Variants in KHDRBS3 observed in about 807,000 individuals in gnomAD.
KHDRBS3 encodes KH domain-containing, RNA-binding, signal transduction-associated protein 3.
KHDRBS3 carries 23 observed loss-of-function variants against 45.6 expected under a neutral mutation model. That is an observed-to-expected ratio of 0.50 (90% CI 0.36 to 0.72). KHDRBS3 has a LOEUF of 0.72. KHDRBS3 is among the 30% of genes least tolerant of loss of function. KHDRBS3 has a pLI of 0.00. For missense variants in KHDRBS3, 352 were observed against 424.8 expected, an observed-to-expected ratio of 0.83 and a Z score of 1.51; for synonymous variants, 162 against 156.5, an observed-to-expected ratio of 1.04 and a Z score of -0.26.
chr8:135,622,158 T>C (rs1459587033), intron 7 of KHDRBS3, among the ~76,000 whole-genome samples: 1 of 152,332 alleles, frequency 6.6e-6, no homozygotes, highest in East Asian at 1.9e-4. Flanking sequence ...ATGTCTGTCT[T>C]CTTTTTTCAA....
chr8:135,584,770 T>G (rs1828383217), intron 6 of KHDRBS3, among the ~76,000 whole-genome samples: 1 of 152,186 alleles, frequency 6.6e-6, no homozygotes, highest in South Asian at 2.1e-4. Context: ...TGACCCAGTT[T>G]TCTACTTCCA....
At chr8:135,652,705 G>C (rs1027175754) in intron 4 of KHDRBS3, among the ~76,000 whole-genome samples, 2 of 152,170 alleles carry the variant, frequency 1.3e-5, no homozygotes, top group Non-Finnish European at 2.9e-5. Context: ...TCACCCTGGA[G>C]GCCCTCCCTA....
intron 6 of KHDRBS3, among the ~76,000 whole-genome samples, chr8:135,599,997 C>T (rs1259367431): frequency 1.4e-5 from 2 of 142,980 alleles, no homozygotes; most frequent in African/African-American, 5.1e-5. Flanking sequence ...CAGGCACCTC[C>T]CTCACAGCAC....
intron 7 of KHDRBS3, among the ~76,000 whole-genome samples, chr8:135,631,510 A>G (rs1247600034): frequency 6.6e-6 from 1 of 152,010 alleles, no homozygotes; most frequent in Non-Finnish European, 1.5e-5. Flanking sequence ...GACACACACT[A>G]CATAGTGTCA....
At position 135,620,496 on chromosome 8, in the gene KHDRBS3, T is replaced by C. The variant is rs540734015; in HGVS notation, c.890+13459T>C. Among the ~76,000 whole-genome samples the C allele has an allele frequency of 2.0e-5, 3 of 152,338 alleles. No individual in the cohort carries two copies. In the East Asian group the frequency reaches 5.8e-4, roughly 29 times the overall value. ...AACCTGATACTGAGTTTCACAGTTA[T>C]GGCTCATTTATACTTGACTCAATAA... On this transcript the variant is annotated intron_variant, in intron 7 of 8. Transcript: ENST00000355849.
intron 1 of KHDRBS3, among the ~76,000 whole-genome samples, chr8:135,477,223 A>G (rs1422947413): frequency 6.6e-6 from 1 of 152,174 alleles, no homozygotes; most frequent in Non-Finnish European, 1.5e-5. Flanking sequence ...TTTGTAGATA[A>G]TAAAACTAAG....
intron 6 of KHDRBS3, among the ~76,000 whole-genome samples, chr8:135,583,353 T>A (rs989566993): frequency 6.6e-6 from 1 of 152,236 alleles, no homozygotes; most frequent in African/African-American, 2.4e-5. Context: ...TCGTTACAGT[T>A]AAATGTGTTC....
At chr8:135,516,546 ATAAG>A (rs1393598048) in intron 1 of KHDRBS3, among the ~76,000 whole-genome samples, 2 of 149,940 alleles carry the variant, frequency 1.3e-5, no homozygotes, top group Non-Finnish European at 3.0e-5. Context: ...CTGTGTGTAT[ATAAG>A]TAAACATTTG....
At chr8:135,640,758 G>C (rs915448803) in intron 7 of KHDRBS3, among the ~76,000 whole-genome samples, 1 of 152,142 alleles carries the variant, frequency 6.6e-6, no homozygotes, top group African/African-American at 2.4e-5. Context: ...CCCTTTGATG[G>C]AGTTGAGAAG....
At chr8:135,478,527 A>G (rs572915103) in intron 1 of KHDRBS3, among the ~76,000 whole-genome samples, 16 of 152,258 alleles carry the variant, frequency 1.1e-4, no homozygotes, top group African/African-American at 3.6e-4. Flanking sequence ...CAGGAAATGC[A>G]TTTTTCTCAA....
At chr8:135,592,044 A>G (rs954948079) in intron 6 of KHDRBS3, among the ~76,000 whole-genome samples, 6 of 152,186 alleles carry the variant, frequency 3.9e-5, no homozygotes, top group Non-Finnish European at 7.3e-5. Flanking sequence ...AGATAAAAAG[A>G]TGAAGGTTCT....
intron 1 of KHDRBS3, among the ~76,000 whole-genome samples, chr8:135,494,740 A>T (rs1032447698): frequency 1.3e-5 from 2 of 152,144 alleles, no homozygotes; most frequent in African/African-American, 4.8e-5. Context: ...ATGTGTGTGT[A>T]GGCTAAATCT....
chr8:135,562,966 T>C (rs1291473775), intron 5 of KHDRBS3, among the ~76,000 whole-genome samples: 1 of 152,236 alleles, frequency 6.6e-6, no homozygotes, highest in Non-Finnish European at 1.5e-5. Flanking sequence ...CATATTCAGT[T>C]CCTTAGTAAG....
intron 5 of KHDRBS3, among the ~76,000 whole-genome samples, chr8:135,565,083 A>G (rs1198405561): frequency 6.6e-6 from 1 of 152,168 alleles, no homozygotes; most frequent in Non-Finnish European, 1.5e-5. Flanking sequence ...ATAATCGCCT[A>G]CCCGGAGGCC....
At chr8:135,477,317 C>CT (rs1449922010) in intron 1 of KHDRBS3, among the ~76,000 whole-genome samples, 1 of 152,082 alleles carries the variant, frequency 6.6e-6, no homozygotes, top group Admixed American at 6.5e-5. Flanking sequence ...AAAACCTGTG[C>CT]TTTTTTTGCT....
chr8:135,602,496 T>G (rs1829261265), intron 6 of KHDRBS3, among the ~76,000 whole-genome samples: 1 of 152,180 alleles, frequency 6.6e-6, no homozygotes, highest in Non-Finnish European at 1.5e-5. Context: ...TTGCTAGTAT[T>G]GTAATATCTG....
intron 5 of KHDRBS3, among the ~76,000 whole-genome samples, chr8:135,569,841 G>C (rs1827615616): frequency 6.6e-6 from 1 of 152,102 alleles, no homozygotes; most frequent in Non-Finnish European, 1.5e-5. Context: ...CAAAGACCTT[G>C]TTTCCTGTTC....
chr8:135,617,160 T>C (rs575915961), intron 7 of KHDRBS3, among the ~76,000 whole-genome samples: 1 of 152,222 alleles, frequency 6.6e-6, no homozygotes, highest in South Asian at 2.1e-4. Flanking sequence ...ACATAATAGT[T>C]CAATAAATTT....
At chr8:135,461,230 G>A (rs1007844875) in intron 1 of KHDRBS3, among the ~76,000 whole-genome samples, 1 of 151,958 alleles carries the variant, frequency 6.6e-6, no homozygotes, top group Non-Finnish European at 1.5e-5. Flanking sequence ...TCAGCCTCCC[G>A]AGTAGCTGGG....
Sources: allele counts gnomAD v4.1 joint callset (sites outside exome capture counted in the v4.1 genomes callset), GRCh38; gene constraint gnomAD v4.1.1; transcripts MANE v1.5; gene names NCBI Gene and HGNC (gene_info 2026-07-23, HGNC 2026-07-21).